Variants in NEMF observed in about 807,000 individuals in gnomAD.
The protein encoded by NEMF is ribosome quality control complex subunit NEMF.
A neutral mutation model predicts 162.2 loss-of-function variants in NEMF; 89 were observed. That is an observed-to-expected ratio of 0.55 (90% CI 0.46 to 0.65). NEMF has a LOEUF of 0.65. NEMF is among the 30% of genes least tolerant of loss of function. The pLI, the probability that NEMF is intolerant of heterozygous loss-of-function variation, is 0.00. For synonymous variants in NEMF, 421 were observed against 404.5 expected (o/e 1.04, Z -0.49); for missense variants, 1,133 against 1,261.9 (o/e 0.90, Z 1.55).
At chr14:49,792,445 C>T (rs1241948280) in intron 26 of NEMF, among the ~76,000 whole-genome samples, 3 of 152,184 alleles carry the variant, frequency 2.0e-5, no homozygotes, top group Admixed American at 6.5e-5. Flanking sequence ...CTCCTGACCT[C>T]AGGTGACCCA....
At position 49,789,264 on chromosome 14, in the gene NEMF, G is replaced by A. The variant is rs1239857520; in HGVS notation, c.2777C>T (p.Pro926Leu). The change falls in exon 28 of 33, where the codon CCC (proline) becomes CTC (leucine). Residue 926 changes from proline (P) to leucine (L), a missense_variant. Physicochemically the swap from Pro to Leu is moderately conservative, Grantham distance 98. Around this residue, in one of 3 missense-constraint regions of NEMF, gnomAD observed 532 missense variants for 578.6 expected, o/e 0.92. Coordinates refer to ENST00000298310, the MANE Select transcript of NEMF (RefSeq NM_004713.6). ...CCTCTGTCCACCTCTAGGTTTCTGGGGCTGTTTCTTCACAGGTTCGTCCTT... is the reference window on the plus strand; with the variant it reads ...CCTCTGTCCACCTCTAGGTTTCTGGAGCTGTTTCTTCACAGGTTCGTCCTT... ...KTKDEPVKKQ[P>L]QKPRGGQRVS... 17 of 1,614,026 alleles carry A rather than the reference G, an allele frequency of 1.1e-5. No individual in the cohort carries two copies. Among genetic ancestry groups the A allele is most frequent in the Non-Finnish European group, 1.4e-5 (17 of 1,179,996 alleles).
chr14:49,794,476 C>T (rs927633466), intron 26 of NEMF, among the ~76,000 whole-genome samples: 2 of 151,984 alleles, frequency 1.3e-5, no homozygotes, highest in African/African-American at 2.4e-5. Context: ...AGTGTGGTGG[C>T]ATGCACTTGT....
rs751537496 is a variant in NEMF at position 49,800,712 on chromosome 14, A to G, written c.2096-16T>C. Reference sequence around the variant, plus strand: ...TCACCTCCATCTGTAGAATTATCATAAGGAAAGTCAGTGTGGGACTACCAA... The same window carrying G: ...TCACCTCCATCTGTAGAATTATCATGAGGAAAGTCAGTGTGGGACTACCAA... On this transcript the variant is annotated splice_polypyrimidine_tract_variant and intron_variant, in intron 22 of 32. Transcript: ENST00000298310. 5.6e-6 allele frequency: 9 copies of G among 1,606,180 alleles called. No individual in the cohort carries two copies. The Admixed American group carries it at 6.7e-5, about 12-fold the overall frequency.
At chr14:49,838,669 C>T (rs1325440104) in intron 5 of NEMF, among the ~76,000 whole-genome samples, 1 of 150,504 alleles carries the variant, frequency 6.6e-6, no homozygotes, top group Non-Finnish European at 1.5e-5. Flanking sequence ...GCTACAAGCT[C>T]CGCCTCCTGG....
chr14:49,796,446 G>T, intron 25 of NEMF: 1 of 339,584 alleles, frequency 2.9e-6, no homozygotes, highest in Non-Finnish European at 5.8e-6. Context: ...ATCCCACCCA[G>T]ACTTCCTCCA....
chr14:49,802,072 C>G lies in NEMF; in HGVS notation c.2095+381G>C, dbSNP rs76405313. ...TCCCAGGTTCAAGCAATCCTCCTAC[C>G]TCAGCCTCTTCAGTAGCTGGGACTA... On this transcript the variant is annotated intron_variant, in intron 22 of 32. Coordinates refer to ENST00000298310, the MANE Select transcript of NEMF (RefSeq NM_004713.6). 8.5e-3 allele frequency among the ~76,000 whole-genome samples: 1,287 copies of G among 151,852 alleles called. 20 individuals carry two copies. The highest frequency in any genetic ancestry group is 0.029 in the African/African-American group (1,212 of 41,374).
At position 49,783,186 on chromosome 14, in the gene NEMF, G is replaced by A. The variant is rs1889993796; in HGVS notation, c.*1450C>T. 1 of 334,596 alleles carries A rather than the reference G, an allele frequency of 3.0e-6. No homozygotes were observed. Among genetic ancestry groups the A allele is most frequent in the Middle Eastern group, 8.2e-4 (1 of 1,222 alleles). The allele number at this position is 334,596 out of a possible 1,614,324, so 20.7% of individuals were successfully genotyped here. ...AAGTAATGGTTGGGCTTTTTACCCTGAAGAATGGTTGCTACATTTTCTTTT... is the reference window on the plus strand; with the variant it reads ...AAGTAATGGTTGGGCTTTTTACCCTAAAGAATGGTTGCTACATTTTCTTTT... On this transcript the variant is annotated 3_prime_UTR_variant, in exon 33 of 33. Transcript: ENST00000298310.
chr14:49,839,195 A>C (rs1329749686), intron 5 of NEMF, among the ~76,000 whole-genome samples: 1 of 151,600 alleles, frequency 6.6e-6, no homozygotes, highest in East Asian at 1.9e-4. Flanking sequence ...CTCCTGCCTC[A>C]GCCTCCCAAA....
rs772718688 is a variant in NEMF at position 49,825,862 on chromosome 14, C to T, written c.1577+5G>A. 3.2e-5 allele frequency: 50 copies of T among 1,543,634 alleles called. No individual in the cohort carries two copies. Among genetic ancestry groups the T allele is most frequent in the Non-Finnish European group, 4.3e-5 (48 of 1,121,958 alleles). ...AACTGTATTTGAAAGAGACAGAACA[C>T]TTACCAATATACTTTTCTTGCTTTT... On this transcript the variant is annotated splice_donor_5th_base_variant and intron_variant, in intron 16 of 32. Transcript: ENST00000298310.
Position 49,782,991 on chromosome 14 carries a change from C to T in NEMF, c.*1645G>A. 1 of 1,594,700 alleles carries T rather than the reference C, an allele frequency of 6.3e-7. No individual in the cohort carries two copies. The highest frequency in any genetic ancestry group is 8.6e-7 in the Non-Finnish European group (1 of 1,169,016). On this transcript the variant is annotated 3_prime_UTR_variant, in exon 33 of 33. Transcript: ENST00000298310. ...AATGCCTATGATCACCTTGCATGGACAGCAATCCTGTAAACATCACAGAGT... is the reference window on the plus strand; with the variant it reads ...AATGCCTATGATCACCTTGCATGGATAGCAATCCTGTAAACATCACAGAGT...
intron 16 of NEMF, among the ~76,000 whole-genome samples, chr14:49,817,575 G>A (rs1179380280): frequency 1.3e-5 from 2 of 151,794 alleles, no homozygotes; most frequent in East Asian, 3.9e-4. Flanking sequence ...GTTGATAAAA[G>A]ACTCAATTAA....
intron 16 of NEMF, among the ~76,000 whole-genome samples, chr14:49,823,227 C>G (rs1384789620): frequency 6.6e-6 from 1 of 151,642 alleles, no homozygotes; most frequent in African/African-American, 2.4e-5. Context: ...TGGGTGAGCA[C>G]CACTGTGCCC....
At chr14:49,784,871 C>T (rs1890087092) in intron 32 of NEMF, 54 bp downstream of exon 32, 3 of 1,500,242 alleles carry the variant, frequency 2.0e-6, no homozygotes, top group Non-Finnish European at 2.8e-6. Context: ...AAACTGCTAA[C>T]ATTTTAAATT....
At chr14:49,805,013 G>A (rs2139870115) in intron 19 of NEMF, among the ~76,000 whole-genome samples, 1 of 152,260 alleles carries the variant, frequency 6.6e-6, no homozygotes, top group African/African-American at 2.4e-5. Context: ...CTGGACAACA[G>A]AGCAAGACTC....
At chr14:49,812,144 G>T (rs536659376) in intron 18 of NEMF, among the ~76,000 whole-genome samples, 74 of 152,114 alleles carry the variant, frequency 4.9e-4, no homozygotes, top group African/African-American at 1.7e-3. Context: ...GTCAGTTTTA[G>T]TATTTATATC....
chr14:49,828,985 A>T, intron 13 of NEMF, 69 bp downstream of exon 13: 1 of 1,454,804 alleles, frequency 6.9e-7, no homozygotes, highest in Non-Finnish European at 9.4e-7. Flanking sequence ...AAAAATGTTT[A>T]ATACAGTGAA....
chr14:49,786,756 C>G lies in NEMF; in HGVS notation c.2896-6G>C. On this transcript the variant is annotated splice_region_variant and splice_polypyrimidine_tract_variant and intron_variant, in intron 28 of 32. Transcript: ENST00000298310. ...TGATCCAGATCTTGCTCTTCCTGTT[C>G]CGAACATATAAAAATAAAAATGTCA... 2 of 1,611,988 alleles carry G rather than the reference C, an allele frequency of 1.2e-6. No homozygotes were observed. The highest frequency in any genetic ancestry group is 1.3e-5 in the African/African-American group (1 of 74,964).
At chr14:49,807,592 A>ATTTTTTTTTTTTTTTTTTTTTTTTTTGT (rs371689750) in intron 18 of NEMF, among the ~76,000 whole-genome samples, 1 of 125,368 alleles carries the variant, frequency 8.0e-6, no homozygotes, top group African/African-American at 3.0e-5. Context: ...GTATCTTGTG[A>ATTTTTTTTTTTTTTTTTTTTTTTTTTGT]TTTTTTTTTT....
At chr14:49,805,814 G>A (rs1055482870) in intron 19 of NEMF, among the ~76,000 whole-genome samples, 3 of 151,826 alleles carry the variant, frequency 2.0e-5, no homozygotes, top group Non-Finnish European at 4.4e-5. Context: ...CATCCAAAAC[G>A]GTATCCCCTA....
Sources: gnomAD v4.1 joint callset for allele counts (sites outside exome capture counted in the v4.1 genomes callset) on GRCh38, gnomAD v4.1.1 for gene constraint, gnomAD v4.1.1 regional missense constraint, MANE v1.5 for transcripts, NCBI Gene and HGNC (gene_info 2026-07-23, HGNC 2026-07-21) for gene names.